The following DACH2 variants were observed in gnomAD, a reference collection of about 807,000 sequenced individuals.
The protein encoded by DACH2 is dachshund family transcription factor 2.
A neutral mutation model predicts 35.8 loss-of-function variants in DACH2; 17 were observed. The ratio of observed to expected loss-of-function variants is 0.48; its 90% CI spans 0.33 to 0.71. The LOEUF (loss-of-function observed/expected upper bound fraction) is 0.71, where lower values mean the gene tolerates loss of function less well. DACH2 is among the 30% of genes least tolerant of loss of function. The pLI is 0.02. For synonymous variants in DACH2, 195 were observed against 177.3 expected, an observed-to-expected ratio of 1.10 and a Z score of -0.79; for missense variants, 469 against 472.7, an observed-to-expected ratio of 0.99 and a Z score of 0.07.
rs182458911 is a variant in DACH2, at chrX:86,529,334, T to C, written c.640+14943T>C. 3.6e-3 allele frequency among the ~76,000 whole-genome samples: 385 copies of C among 106,762 alleles called. 1 individual carries two copies. The highest frequency in any genetic ancestry group is 6.0e-3 in the Non-Finnish European group (310 of 51,322). The allele number at this position is 106,762 out of a possible 115,157, so 92.7% of individuals were successfully genotyped here. A position where few individuals can be genotyped will look rare whatever the true frequency, so the allele number is the denominator to read the frequency against. On this transcript the variant is annotated intron_variant, in intron 3 of 11. Coordinates refer to ENST00000373125, the MANE Select transcript of DACH2 (RefSeq NM_053281.3). ...TGCTGGGATTATAGGTGTGAGCCAC[T>C]GCACCTGGCCTTAGAACTTATTCTT...
intron 1 of DACH2, chrX:86,262,843 C>A: frequency 4.5e-6 from 1 of 222,180 alleles, no homozygotes; most frequent in Non-Finnish European, 6.5e-6. Context: ...CCATTGGTTG[C>A]AGGGATGAAC....
At chrX:86,667,413 A>T (rs1298199038) in intron 4 of DACH2, among the ~76,000 whole-genome samples, 1 of 95,754 alleles carries the variant, frequency 1.0e-5, no homozygotes, top group Non-Finnish European at 2.1e-5. Context: ...AAGAAGAGAA[A>T]AAAAGAAAGA....
chrX:86,752,192 C>G (rs1483411170), intron 7 of DACH2, among the ~76,000 whole-genome samples: 2 of 111,146 alleles, frequency 1.8e-5, no homozygotes, highest in African/African-American at 3.3e-5. Flanking sequence ...ATACATGTAC[C>G]CTTTAACCTA....
In DACH2 at chrX:86,299,073, G is replaced by A. The variant is rs143438348; in HGVS notation, c.489-77751G>A. 1.7e-3 allele frequency among the ~76,000 whole-genome samples: 188 copies of A among 111,861 alleles called. 4 individuals are homozygous for A. In the East Asian group the frequency reaches 0.03, roughly 18 times the overall value. ...ATCTTTAGATTCTGGGATATATTGA[G>A]TTTAGAAAGTTTCTTTTTACTCTGT... On this transcript the variant is annotated intron_variant, in intron 1 of 11. Transcript: ENST00000373125.
At chrX:86,827,898 C>T in intron 11 of DACH2, 2 of 805,033 alleles carry the variant, frequency 2.5e-6, no homozygotes, top group Non-Finnish European at 3.6e-6. Context: ...CCTTTAATTA[C>T]TGTTTGTTCA....
intron 4 of DACH2, among the ~76,000 whole-genome samples, chrX:86,669,893 G>A (rs1171313815): frequency 9.0e-6 from 1 of 110,745 alleles, no homozygotes; most frequent in Non-Finnish European, 1.9e-5. Flanking sequence ...ATGATAACTA[G>A]CATTAGGTTT....
At chrX:86,315,649 G>T (rs1173584127) in intron 1 of DACH2, among the ~76,000 whole-genome samples, 1 of 111,082 alleles carries the variant, frequency 9.0e-6, no homozygotes, top group Non-Finnish European at 1.9e-5. Flanking sequence ...GTAAAAAGTT[G>T]ATTCCAGCCC....
chrX:86,224,211 T>G (rs1009782330), intron 1 of DACH2, among the ~76,000 whole-genome samples: 3 of 111,580 alleles, frequency 2.7e-5, no homozygotes, highest in Admixed American at 9.6e-5. Context: ...CATATTTATC[T>G]AGAATTGCGT....
intron 1 of DACH2, among the ~76,000 whole-genome samples, chrX:86,288,029 C>G (rs1364720177): frequency 9.0e-6 from 1 of 111,646 alleles, no homozygotes; most frequent in African/African-American, 3.3e-5. Context: ...ACCTATCCTT[C>G]TTGTGATGGC....
At chrX:86,772,842 T>C (rs916408758) in intron 7 of DACH2, among the ~76,000 whole-genome samples, 1 of 111,121 alleles carries the variant, frequency 9.0e-6, no homozygotes, top group African/African-American at 3.3e-5. Flanking sequence ...AAAAGACATT[T>C]AGAGAATTCC....
At chrX:86,202,791 C>T (rs977148214) in intron 1 of DACH2, among the ~76,000 whole-genome samples, 5 of 110,538 alleles carry the variant, frequency 4.5e-5, no homozygotes, top group South Asian at 3.8e-4. Context: ...TGAGAACTAT[C>T]GCTGAAATAA....
At chrX:86,190,484 C>T (rs1056823644) in intron 1 of DACH2, among the ~76,000 whole-genome samples, 13 of 111,823 alleles carry the variant, frequency 1.2e-4, no homozygotes, top group African/African-American at 4.2e-4. Flanking sequence ...CATTCATTTC[C>T]ACTAATGCAT....
At chrX:86,283,199 G>C (rs2034070098) in intron 1 of DACH2, among the ~76,000 whole-genome samples, 1 of 111,679 alleles carries the variant, frequency 9.0e-6, no homozygotes, top group African/African-American at 3.3e-5. Flanking sequence ...ATGCCATTTA[G>C]AATAGCAATC....
In DACH2 at chrX:86,653,548, T is replaced by A. The variant is rs769914671; in HGVS notation, c.772+2381T>A. ...TTTTAACAATATTGATTCTTCCTAT[T>A]CAAGAACATGAAATGTTTTTCCATT... On this transcript the variant is annotated intron_variant, in intron 4 of 11. Coordinates refer to ENST00000373125, the MANE Select transcript of DACH2 (RefSeq NM_053281.3). Among the ~76,000 whole-genome samples the A allele has an allele frequency of 7.2e-5, 8 of 111,429 alleles. No individual in the cohort carries two copies. The East Asian group carries it at 2.0e-3, about 28-fold the overall frequency.
intron 3 of DACH2, among the ~76,000 whole-genome samples, chrX:86,610,418 T>TTTCTTTC (rs1491456126): frequency 0.012 from 720 of 61,899 alleles, 8 homozygotes; most frequent in East Asian, 0.024. Context: ...TCTTTCTTTC[T>TTTCTTTC]TTTCTTTCTT....
chrX:86,413,826 G>A (rs917148242), intron 2 of DACH2, among the ~76,000 whole-genome samples: 1 of 110,374 alleles, frequency 9.1e-6, no homozygotes, highest in African/African-American at 3.3e-5. Flanking sequence ...ATGAGTCCAG[G>A]GACCTACTGG....
intron 1 of DACH2, among the ~76,000 whole-genome samples, chrX:86,322,129 C>G (rs2035026873): frequency 9.0e-6 from 1 of 110,976 alleles, no homozygotes; most frequent in Admixed American, 9.6e-5. Context: ...GATTTGATTG[C>G]TAAGAGGGCT....
At chrX:86,278,891 G>C (rs890259018) in intron 1 of DACH2, among the ~76,000 whole-genome samples, 2 of 111,597 alleles carry the variant, frequency 1.8e-5, no homozygotes, top group Admixed American at 9.5e-5. Flanking sequence ...TCTTGAGTAG[G>C]CAGTTTTCCC....
chrX:86,439,659 C>T (rs2037127814), intron 2 of DACH2, among the ~76,000 whole-genome samples: 1 of 111,153 alleles, frequency 9.0e-6, no homozygotes, highest in Non-Finnish European at 1.9e-5. Context: ...TTCTTCTGCT[C>T]AGTTTGGATT....
Sources: allele counts gnomAD v4.1 joint callset (sites outside exome capture counted in the v4.1 genomes callset), GRCh38; gene constraint gnomAD v4.1.1; transcripts MANE v1.5; gene names NCBI Gene and HGNC (gene_info 2026-07-23, HGNC 2026-07-21).